CLINT1: variants seen among roughly 807,000 people sequenced by gnomAD.
The protein encoded by CLINT1 is clathrin interactor 1, also known as clathrin interacting protein localized in the trans-Golgi region.
CLINT1 carries 15 observed loss-of-function variants against 70.4 expected under a neutral mutation model. That is an observed-to-expected ratio of 0.21 (90% CI 0.14 to 0.33). The LOEUF (loss-of-function observed/expected upper bound fraction) is 0.33, where lower values mean the gene tolerates loss of function less well. Among genes scored for constraint, CLINT1 ranks in the 10% least tolerant of loss-of-function variants. CLINT1 has a pLI of 1.00. For synonymous variants in CLINT1, 227 were observed against 254.7 expected, an observed-to-expected ratio of 0.89 and a Z score of 1.04; for missense variants, 615 against 778.1, an observed-to-expected ratio of 0.79 and a Z score of 2.49.
chr5:157,856,609 G>T (rs1753768149), intron 1 of CLINT1, among the ~76,000 whole-genome samples: 1 of 152,120 alleles, frequency 6.6e-6, no homozygotes, highest in Non-Finnish European at 1.5e-5. Flanking sequence ...CAGATCCACG[G>T]TTCTGTAAGA....
At chr5:157,850,863 C>G (rs1753549197) in intron 1 of CLINT1, among the ~76,000 whole-genome samples, 1 of 152,070 alleles carries the variant, frequency 6.6e-6, no homozygotes, top group Non-Finnish European at 1.5e-5. Flanking sequence ...GGCACAATCA[C>G]AGCTCACTGC....
intron 1 of CLINT1, among the ~76,000 whole-genome samples, chr5:157,835,387 C>T (rs969307213): frequency 3.3e-5 from 5 of 152,106 alleles, no homozygotes; most frequent in Admixed American, 2.0e-4. Context: ...AACAAAGTGA[C>T]GTACTGACTG....
At chr5:157,843,509 C>T (rs1418428729) in intron 1 of CLINT1, among the ~76,000 whole-genome samples, 1 of 152,184 alleles carries the variant, frequency 6.6e-6, no homozygotes, top group Non-Finnish European at 1.5e-5. Context: ...ATTCTCTTAA[C>T]AGACCTGGAA....
chr5:157,847,619 C>T (rs934945465), intron 1 of CLINT1, among the ~76,000 whole-genome samples: 13 of 152,074 alleles, frequency 8.5e-5, no homozygotes, highest in African/African-American at 2.9e-4. Context: ...ACTTCAGTGA[C>T]GGACGTCACT....
chr5:157,841,443 G>T (rs1164625358), intron 1 of CLINT1, among the ~76,000 whole-genome samples: 1 of 152,050 alleles, frequency 6.6e-6, no homozygotes, highest in Non-Finnish European at 1.5e-5. Flanking sequence ...GTGCACACCT[G>T]TAGTCCCAGC....
intron 1 of CLINT1, among the ~76,000 whole-genome samples, chr5:157,817,798 A>C (rs1762766600): frequency 6.6e-6 from 1 of 152,214 alleles, no homozygotes; most frequent in Non-Finnish European, 1.5e-5. Context: ...AGCTGGCATT[A>C]AGTCCAGTAA....
intron 9 of CLINT1, among the ~76,000 whole-genome samples, chr5:157,794,493 A>G (rs1445376608): frequency 6.6e-6 from 1 of 152,236 alleles, no homozygotes; most frequent in African/African-American, 2.4e-5. Context: ...ATTAAAAAGG[A>G]ATGCATTTTA....
At chr5:157,806,982 G>C (rs1047124598) in intron 6 of CLINT1, among the ~76,000 whole-genome samples, 1 of 151,960 alleles carries the variant, frequency 6.6e-6, no homozygotes, top group Non-Finnish European at 1.5e-5. Flanking sequence ...GAGAGAGAGA[G>C]AGAGAGAGCG....
At chr5:157,809,509 A>G in intron 6 of CLINT1, 119 bp downstream of exon 6, 1 of 733,114 alleles carries the variant, frequency 1.4e-6, no homozygotes, top group Non-Finnish European at 2.1e-6. Flanking sequence ...AAAAAAAAAA[A>G]AAAGGCCCAA....
intron 7 of CLINT1, among the ~76,000 whole-genome samples, chr5:157,804,272 G>T (rs566988101): frequency 1.3e-5 from 2 of 152,118 alleles, no homozygotes; most frequent in African/African-American, 2.4e-5. Flanking sequence ...ACACAAGTTA[G>T]TATAATTCTA....
intron 6 of CLINT1, 28 bp from the exon 7 acceptor site, chr5:157,806,140 T>A (rs1376639619): frequency 6.2e-7 from 1 of 1,606,878 alleles, no homozygotes; most frequent in East Asian, 2.2e-5. Context: ...TGAAGCAAAA[T>A]AATAAGACGG....
intron 10 of CLINT1, 169 bp downstream of exon 10, chr5:157,791,534 T>G: frequency 4.7e-6 from 3 of 635,146 alleles, no homozygotes; most frequent in East Asian, 5.5e-5. Flanking sequence ...TAGGGGAGAG[T>G]ATGAGGTAAA....
chr5:157,788,891 T>C (rs1761809671), intron 11 of CLINT1, among the ~76,000 whole-genome samples: 1 of 146,056 alleles, frequency 6.8e-6, no homozygotes, highest in South Asian at 2.1e-4. Flanking sequence ...TGCTTAAAAC[T>C]GGGAGGTGGA....
chr5:157,855,238 T>C (rs1753721123), intron 1 of CLINT1, among the ~76,000 whole-genome samples: 1 of 150,934 alleles, frequency 6.6e-6, no homozygotes, highest in Admixed American at 6.6e-5. Context: ...TTCGCTGAGC[T>C]TGAACAAATA....
chr5:157,843,383 T>C lies in CLINT1; in HGVS notation c.41+15547A>G, dbSNP rs533091462. ...CTTAAGACTGCTTGACATACCAACA[T>C]GGCTTTGGAATATTGTTGGTAGTGG... On this transcript the variant is annotated intron_variant, in intron 1 of 11. Transcript: ENST00000411809. 2.0e-5 allele frequency among the ~76,000 whole-genome samples: 3 copies of C among 152,308 alleles called. No individual in the cohort carries two copies. In the South Asian group the frequency reaches 6.2e-4, roughly 32 times the overall value.
chr5:157,832,184 T>C (rs1039091474), intron 1 of CLINT1, among the ~76,000 whole-genome samples: 1 of 151,456 alleles, frequency 6.6e-6, no homozygotes, highest in African/African-American at 2.4e-5. Context: ...GGTTTTGCCA[T>C]GTTGGCCAGG....
At chr5:157,804,037 T>TAAAAA (rs3836883) in intron 7 of CLINT1, among the ~76,000 whole-genome samples, 1 of 131,348 alleles carries the variant, frequency 7.6e-6, no homozygotes, top group Non-Finnish European at 1.6e-5. Context: ...ATCAGTTCAT[T>TAAAAA]AAAAAAAAAA....
intron 3 of CLINT1, among the ~76,000 whole-genome samples, chr5:157,815,487 A>G (rs1762692397): frequency 6.6e-6 from 1 of 152,184 alleles, no homozygotes; most frequent in South Asian, 2.1e-4. Context: ...TGAACTTAAC[A>G]ATGCTTGGAA....
intron 8 of CLINT1, among the ~76,000 whole-genome samples, chr5:157,802,038 G>A (rs766377975): frequency 1.3e-5 from 2 of 152,130 alleles, no homozygotes; most frequent in South Asian, 2.1e-4. Context: ...GGGATTAAAG[G>A]TGCCCATCAC....
Sources: gnomAD v4.1 joint callset for allele counts (sites outside exome capture counted in the v4.1 genomes callset) on GRCh38, gnomAD v4.1.1 for gene constraint, MANE v1.5 for transcripts, NCBI Gene and HGNC (gene_info 2026-07-23, HGNC 2026-07-21) for gene names.